Variants in PTPRR observed in about 807,000 individuals in gnomAD.
The protein encoded by PTPRR is receptor-type tyrosine-protein phosphatase R.
PTPRR carries 38 observed loss-of-function variants against 77.2 expected under a neutral mutation model. That is an observed-to-expected ratio of 0.49 (90% CI 0.38 to 0.65). PTPRR has a LOEUF of 0.65. PTPRR is among the 30% of genes least tolerant of loss of function. PTPRR has a pLI of 0.00. For missense variants in PTPRR, 744 were observed against 799.2 expected (o/e 0.93, Z 0.83); for synonymous variants, 299 against 283.1 (o/e 1.06, Z -0.57).
chr12:70,843,192 T>C (rs2137061740), intron 2 of PTPRR, among the ~76,000 whole-genome samples: 1 of 152,282 alleles, frequency 6.6e-6, no homozygotes, highest in South Asian at 2.1e-4. Flanking sequence ...GTTGATTTGT[T>C]AAAATAATGA....
chr12:70,804,735 C>T (rs1891679332), intron 2 of PTPRR, among the ~76,000 whole-genome samples: 1 of 152,148 alleles, frequency 6.6e-6, no homozygotes, highest in African/African-American at 2.4e-5. Flanking sequence ...TCCTGGCTTC[C>T]ACCACACTAC....
intron 5 of PTPRR, among the ~76,000 whole-genome samples, chr12:70,752,735 T>C (rs1486654002): frequency 1.3e-5 from 2 of 152,172 alleles, no homozygotes; most frequent in African/African-American, 4.8e-5. Context: ...TCTCTTATCC[T>C]TTCTCATCTG....
chr12:70,740,167 G>A (rs1890000457), intron 6 of PTPRR, among the ~76,000 whole-genome samples: 2 of 151,978 alleles, frequency 1.3e-5, no homozygotes, highest in South Asian at 2.1e-4. Context: ...TAATATATAT[G>A]AAACATATTA....
At chr12:70,681,259 A>C (rs1887647497) in intron 10 of PTPRR, among the ~76,000 whole-genome samples, 1 of 152,132 alleles carries the variant, frequency 6.6e-6, no homozygotes, top group African/African-American at 2.4e-5. Context: ...GATGTACTCT[A>C]GTTGTGGCTC....
intron 2 of PTPRR, among the ~76,000 whole-genome samples, chr12:70,802,766 A>G (rs1419107501): frequency 6.6e-6 from 1 of 152,180 alleles, no homozygotes; most frequent in African/African-American, 2.4e-5. Context: ...ATTGGTGTCT[A>G]TATCTTGAGA....
intron 2 of PTPRR, among the ~76,000 whole-genome samples, chr12:70,828,042 C>T (rs1283816535): frequency 6.6e-6 from 1 of 152,056 alleles, no homozygotes; most frequent in African/African-American, 2.4e-5. Context: ...CATAAGGGCG[C>T]TAATCCCGGT....
chr12:70,699,256 A>G (rs1044638377), intron 7 of PTPRR, among the ~76,000 whole-genome samples: 3 of 152,204 alleles, frequency 2.0e-5, no homozygotes, highest in African/African-American at 7.2e-5. Flanking sequence ...ATCAAATAAG[A>G]TATTTTTACT....
At position 70,662,533 on chromosome 12, in the gene PTPRR, C is replaced by T. The variant is rs1886833700; in HGVS notation, c.1570G>A (p.Glu524Lys). The T allele has an allele frequency of 6.2e-7, 1 of 1,611,708 alleles. No individual in the cohort carries two copies. The highest frequency in any genetic ancestry group is 8.5e-7 in the Non-Finnish European group (1 of 1,178,338). The change falls in exon 11 of 14, where the codon GAA becomes AAA. Residue 524 changes from glutamate (E) to lysine (K), a missense_variant. By Grantham distance (56) the Glu-to-Lys change is moderately conservative. Around this residue, in one of 3 missense-constraint regions of PTPRR, gnomAD observed 170 missense variants for 209.8 expected, o/e 0.81. Transcript: ENST00000283228. The part of the protein sequence containing the change: ...KVEVLVISVN[E>K]CDNYTIRNLV... ...TTTCGAATGGTGTAGTTATCACATT[C>T]ATTTACACTGATAACCAGAACCTCA...
At chr12:70,756,097 G>A (rs887992342) in intron 4 of PTPRR, among the ~76,000 whole-genome samples, 2 of 152,066 alleles carry the variant, frequency 1.3e-5, no homozygotes, top group African/African-American at 4.8e-5. Context: ...TAGGTGGGTG[G>A]AAAGAGATTT....
At chr12:70,915,133 T>C (rs187939995) in intron 1 of PTPRR, among the ~76,000 whole-genome samples, 1 of 152,284 alleles carries the variant, frequency 6.6e-6, no homozygotes. Flanking sequence ...TAGGAAGTAA[T>C]GACTGTCTGT....
At chr12:70,797,171 T>C (rs1424832132) in intron 2 of PTPRR, among the ~76,000 whole-genome samples, 1 of 152,210 alleles carries the variant, frequency 6.6e-6, no homozygotes, top group African/African-American at 2.4e-5. Context: ...TTGAAATGAA[T>C]GTTTACTTGA....
At chr12:70,656,956 G>T in intron 12 of PTPRR, 139 bp from the exon 13 acceptor site, 2 of 375,622 alleles carry the variant, frequency 5.3e-6, no homozygotes, top group Non-Finnish European at 4.9e-6. Context: ...ACCTGGCCCT[G>T]TGCTAAGTGC....
At chr12:70,800,480 G>A (rs1891596182) in intron 2 of PTPRR, among the ~76,000 whole-genome samples, 1 of 152,128 alleles carries the variant, frequency 6.6e-6, no homozygotes, top group South Asian at 2.1e-4. Context: ...TAACACTTAG[G>A]TAGCACTTGC....
At chr12:70,804,452 G>T (rs901853798) in intron 2 of PTPRR, among the ~76,000 whole-genome samples, 5 of 152,020 alleles carry the variant, frequency 3.3e-5, no homozygotes, top group Non-Finnish European at 5.9e-5. Context: ...CCAGCTACTT[G>T]GGAGGCTGAG....
rs1399307917 is a variant in PTPRR at position 70,843,807 on chromosome 12, A to AT, written c.357+48871_357+48872insA. 5.8e-4 allele frequency among the ~76,000 whole-genome samples: 85 copies of AT among 146,536 alleles called. 1 individual carries two copies. The highest frequency in any genetic ancestry group is 2.1e-3 in the African/African-American group (79 of 37,396). On this transcript the variant is annotated intron_variant, in intron 2 of 13. Transcript: ENST00000283228. ...GATTTGAGACATAAATGTTGCTGAA[A>AT]ATTTTTTTTTTTTTTTTTTTTTTTT...
chr12:70,807,829 C>T (rs1055849242), intron 2 of PTPRR, among the ~76,000 whole-genome samples: 14 of 152,120 alleles, frequency 9.2e-5, no homozygotes, highest in African/African-American at 3.4e-4. Context: ...TGTATGTCAC[C>T]TCAGGACTCT....
intron 6 of PTPRR, among the ~76,000 whole-genome samples, chr12:70,734,479 G>A (rs1421784341): frequency 6.6e-6 from 1 of 152,192 alleles, no homozygotes; most frequent in Non-Finnish European, 1.5e-5. Context: ...CCTGGATGGG[G>A]TTGCAGGCTA....
At chr12:70,672,992 A>G in intron 10 of PTPRR, 2 of 1,379,830 alleles carry the variant, frequency 1.4e-6, no homozygotes, top group Non-Finnish European at 1.9e-6. Context: ...TAGAAGGGAG[A>G]AGGATAGAGC....
intron 2 of PTPRR, among the ~76,000 whole-genome samples, chr12:70,862,871 A>T (rs1191982566): frequency 6.6e-6 from 1 of 152,156 alleles, no homozygotes; most frequent in Non-Finnish European, 1.5e-5. Flanking sequence ...TTAATTTTTC[A>T]AAAAAGAAAG....
Sources: gnomAD v4.1 joint callset for allele counts (sites outside exome capture counted in the v4.1 genomes callset) on GRCh38, gnomAD v4.1.1 for gene constraint, gnomAD v4.1.1 regional missense constraint, MANE v1.5 for transcripts, NCBI Gene and HGNC (gene_info 2026-07-23, HGNC 2026-07-21) for gene names.